The following ZDHHC2 variants were observed in gnomAD, a reference collection of about 807,000 sequenced individuals.
ZDHHC2 encodes palmitoyltransferase ZDHHC2.
ZDHHC2 carries 51 observed loss-of-function variants against 55.6 expected under a neutral mutation model. The ratio of observed to expected loss-of-function variants is 0.92; its 90% CI spans 0.73 to 1.16. ZDHHC2 has a LOEUF of 1.16. Ranked by LOEUF, ZDHHC2 falls within the 50% of genes most tolerant of loss-of-function variation. The pLI, the probability that ZDHHC2 is intolerant of heterozygous loss-of-function variation, is 0.00. For missense variants in ZDHHC2, 491 were observed against 442.4 expected (o/e 1.11, Z -0.99); for synonymous variants, 199 against 152.9 (o/e 1.30, Z -2.22).
chr8:17,189,024 C>T (rs1193771839), intron 3 of ZDHHC2, among the ~76,000 whole-genome samples: 6 of 151,768 alleles, frequency 4.0e-5, no homozygotes, highest in Admixed American at 2.0e-4. Context: ...CTGCTCCCTG[C>T]TCCCACCCCG....
At chr8:17,209,906 G>C in intron 8 of ZDHHC2, 26 bp from the exon 9 acceptor site, 1 of 1,595,354 alleles carries the variant, frequency 6.3e-7, no homozygotes, top group Non-Finnish European at 8.5e-7. Flanking sequence ...CTTTACTCAT[G>C]TGATTCCTTT....
chr8:17,173,913 T>G (rs1563144049), intron 1 of ZDHHC2, among the ~76,000 whole-genome samples: 1 of 152,112 alleles, frequency 6.6e-6, no homozygotes, highest in East Asian at 1.9e-4. Flanking sequence ...ACCAGAGTAA[T>G]CCCTTATCCA....
At chr8:17,198,310 TA>T in intron 5 of ZDHHC2, 70 bp from the exon 6 acceptor site, 1 of 1,389,658 alleles carries the variant, frequency 7.2e-7, no homozygotes, top group Non-Finnish European at 9.6e-7. Context: ...AACCATAATT[TA>T]TATTTTTATA....
chr8:17,193,701 A>C (rs1177652782), intron 3 of ZDHHC2, among the ~76,000 whole-genome samples: 2 of 152,216 alleles, frequency 1.3e-5, no homozygotes, highest in East Asian at 3.9e-4. Context: ...AAAACCTTTT[A>C]GTGTTTTTTG....
At chr8:17,199,515 G>GTCTTCA (rs1217120221) in intron 6 of ZDHHC2, among the ~76,000 whole-genome samples, 5 of 35,422 alleles carry the variant, frequency 1.4e-4, no homozygotes, top group Admixed American at 3.4e-4. Context: ...CTTCTTCTTC[G>GTCTTCA]TCTTCGTCTT....
chr8:17,196,712 G>C (rs1029446826), intron 4 of ZDHHC2, among the ~76,000 whole-genome samples: 16 of 151,970 alleles, frequency 1.1e-4, no homozygotes, highest in Non-Finnish European at 1.8e-4. Context: ...AGACCGGTGT[G>C]GCCAACATGG....
chr8:17,200,174 G>A (rs542697323), intron 6 of ZDHHC2, among the ~76,000 whole-genome samples: 205 of 152,172 alleles, frequency 1.3e-3, no homozygotes, highest in African/African-American at 4.0e-3. Flanking sequence ...AACATCTCCC[G>A]TACCTGCTGG....
rs1808029371 is a variant in ZDHHC2 at position 17,224,122 on chromosome 8, A to G, written c.*3901A>G. ...CAGGTATCTAATAGCTCAATCACCA[A>G]CACCGCTGAGAATTGTTCTTATACC... On this transcript the variant is annotated 3_prime_UTR_variant, in exon 13 of 13. Transcript: ENST00000262096. 3 of 151,704 alleles carry G rather than the reference A, an allele frequency of 2.0e-5. No homozygotes were observed. The highest frequency in any genetic ancestry group is 2.0e-4 in the Admixed American group (3 of 15,194). The allele number at this position is 151,704 out of a possible 1,614,324, so 9.4% of individuals were successfully genotyped here.
At position 17,223,921 on chromosome 8, in the gene ZDHHC2, A is replaced by T. The variant is rs1015190534; in HGVS notation, c.*3700A>T. Reference sequence around the variant, plus strand: ...GTAAACAGTGGACATCACTGAAAGGATGAAATCAAGTAGGCTTGTTTCAAA... The same window carrying T: ...GTAAACAGTGGACATCACTGAAAGGTTGAAATCAAGTAGGCTTGTTTCAAA... On this transcript the variant is annotated 3_prime_UTR_variant, in exon 13 of 13. Coordinates refer to ENST00000262096, the MANE Select transcript of ZDHHC2 (RefSeq NM_016353.5). The T allele has an allele frequency of 6.6e-6, 1 of 151,758 alleles. No homozygotes were observed. The highest frequency in any genetic ancestry group is 1.5e-5 in the Non-Finnish European group (1 of 67,760). 9.4% of individuals were successfully genotyped at this position (151,758 alleles called of 1,614,324 possible).
At chr8:17,171,229 T>G (rs1193402453) in intron 1 of ZDHHC2, among the ~76,000 whole-genome samples, 1 of 152,168 alleles carries the variant, frequency 6.6e-6, no homozygotes, top group Non-Finnish European at 1.5e-5. Context: ...CCCATACAAC[T>G]CTATCTAAAC....
chr8:17,169,368 G>A (rs1804747822), intron 1 of ZDHHC2, among the ~76,000 whole-genome samples: 1 of 152,014 alleles, frequency 6.6e-6, no homozygotes, highest in African/African-American at 2.4e-5. Flanking sequence ...TTATGAGAGT[G>A]CTGGTCATCG....
At chr8:17,204,717 T>G (rs1807010041) in intron 6 of ZDHHC2, among the ~76,000 whole-genome samples, 1 of 152,140 alleles carries the variant, frequency 6.6e-6, no homozygotes, top group South Asian at 2.1e-4. Flanking sequence ...ATACTAGGCT[T>G]AATACCTGGG....
chr8:17,172,291 C>G (rs1195192525), intron 1 of ZDHHC2, among the ~76,000 whole-genome samples: 1 of 152,226 alleles, frequency 6.6e-6, no homozygotes, highest in Non-Finnish European at 1.5e-5. Flanking sequence ...TCTCTCTTGG[C>G]CGCCGGCTAA....
chr8:17,191,501 T>G (rs541557283), intron 3 of ZDHHC2, among the ~76,000 whole-genome samples: 2 of 152,354 alleles, frequency 1.3e-5, no homozygotes, highest in South Asian at 4.1e-4. Flanking sequence ...ATCCTTTTAT[T>G]CTCTATCTCT....
At chr8:17,160,223 G>C (rs1306610429) in intron 1 of ZDHHC2, among the ~76,000 whole-genome samples, 1 of 152,128 alleles carries the variant, frequency 6.6e-6, no homozygotes, top group African/African-American at 2.4e-5. Flanking sequence ...CTTTATTTCA[G>C]ATTTACTGAA....
At chr8:17,172,041 A>G (rs1804880398) in intron 1 of ZDHHC2, among the ~76,000 whole-genome samples, 1 of 152,036 alleles carries the variant, frequency 6.6e-6, no homozygotes. Flanking sequence ...CTATATCCGC[A>G]GTTCCCAGGA....
chr8:17,185,572 AG>A (rs1805666739), intron 2 of ZDHHC2, among the ~76,000 whole-genome samples: 1 of 152,046 alleles, frequency 6.6e-6, no homozygotes, highest in South Asian at 2.1e-4. Flanking sequence ...CAGGAGGCTG[AG>A]GTAGGAGGAT....
At position 17,205,709 on chromosome 8, in the gene ZDHHC2, T is replaced by C. The variant is rs1344564903; in HGVS notation, c.531T>C (p.Ala177=). The C allele has an allele frequency of 6.2e-7, 1 of 1,610,684 alleles. No individual in the cohort carries two copies. The highest frequency in any genetic ancestry group is 8.5e-7 in the Non-Finnish European group (1 of 1,179,014). ...ATAAGTTCTTTCTCCTTTTCTTGGC[T>C]TATTCTCTGCTCTACTGCCTTTTTA... ...SNYKFFLLFL[A]YSLLYCLFIA... The change falls in exon 7 of 13, where the codon GCT becomes GCC. Residue 177 remains alanine, a synonymous_variant. Coordinates refer to ENST00000262096, the MANE Select transcript of ZDHHC2 (RefSeq NM_016353.5).
At chr8:17,177,793 G>A (rs1278060530) in intron 1 of ZDHHC2, among the ~76,000 whole-genome samples, 1 of 151,702 alleles carries the variant, frequency 6.6e-6, no homozygotes, top group Non-Finnish European at 1.5e-5. Context: ...TGTGGGGGTG[G>A]GGGGCGGTAT....
Sources: gnomAD v4.1 joint callset for allele counts (sites outside exome capture counted in the v4.1 genomes callset) on GRCh38, gnomAD v4.1.1 for gene constraint, MANE v1.5 for transcripts, NCBI Gene and HGNC (gene_info 2026-07-23, HGNC 2026-07-21) for gene names.